Variants in CDKAL1 observed in about 807,000 individuals in gnomAD.
CDKAL1 encodes the protein CDKAL1 threonylcarbamoyladenosine tRNA methylthiotransferase, also known as threonylcarbamoyladenosine tRNA methylthiotransferase.
Under a neutral mutation model 68.2 loss-of-function variants are expected in CDKAL1, and 32 were observed. That is an observed-to-expected ratio of 0.47 (90% CI 0.35 to 0.63). The LOEUF is 0.63. CDKAL1 is among the 30% of genes least tolerant of loss of function. The pLI is 0.00. For missense variants in CDKAL1, 606 were observed against 696.7 expected (o/e 0.87, Z 1.47); for synonymous variants, 234 against 244.3 (o/e 0.96, Z 0.39).
chr6:20,969,055 G>T (rs1175913546), intron 10 of CDKAL1, among the ~76,000 whole-genome samples: 1 of 152,096 alleles, frequency 6.6e-6, no homozygotes, highest in African/African-American at 2.4e-5. Context: ...CTGGAAATCG[G>T]ATTCTTCTCA....
chr6:20,654,401 T>C (rs1049504051), intron 5 of CDKAL1, among the ~76,000 whole-genome samples: 2 of 152,110 alleles, frequency 1.3e-5, no homozygotes, highest in African/African-American at 4.8e-5. Context: ...CTTCTCCCAA[T>C]TGTGGCTTAT....
chr6:20,643,264 A>G (rs186033295), intron 4 of CDKAL1, among the ~76,000 whole-genome samples: 8 of 152,218 alleles, frequency 5.3e-5, no homozygotes, highest in Admixed American at 5.2e-4. Flanking sequence ...TTCTCCTTTT[A>G]AGGCACTGGA....
intron 12 of CDKAL1, among the ~76,000 whole-genome samples, chr6:21,106,655 T>A (rs1204033122): frequency 6.6e-6 from 1 of 152,222 alleles, no homozygotes; most frequent in African/African-American, 2.4e-5. Context: ...AGTATTTATA[T>A]TGTATTAGAT....
intron 13 of CDKAL1, among the ~76,000 whole-genome samples, chr6:21,124,190 C>T (rs1336624543): frequency 6.6e-6 from 1 of 152,190 alleles, no homozygotes; most frequent in Non-Finnish European, 1.5e-5. Context: ...AAATACTTAT[C>T]TAAACATAGG....
At chr6:20,546,941 C>A (rs1763631330) in intron 3 of CDKAL1, among the ~76,000 whole-genome samples, 1 of 152,068 alleles carries the variant, frequency 6.6e-6, no homozygotes, top group African/African-American at 2.4e-5. Context: ...AATCTTTGAA[C>A]TTTTGATAGG....
chr6:20,753,327 A>ATGGATC, intron 6 of CDKAL1, among the ~76,000 whole-genome samples: 1 of 114,976 alleles, frequency 8.7e-6, no homozygotes, highest in Admixed American at 9.8e-5. Context: ...ATGGATTAGT[A>ATGGATC]ATATGATCAG....
At chr6:21,208,761 C>T (rs996439675) in intron 15 of CDKAL1, among the ~76,000 whole-genome samples, 10 of 152,092 alleles carry the variant, frequency 6.6e-5, no homozygotes, top group African/African-American at 2.2e-4. Context: ...CTGGTTAGGA[C>T]GTATTTGAGT....
chr6:21,055,768 T>C (rs190109334), intron 11 of CDKAL1, among the ~76,000 whole-genome samples: 1 of 152,308 alleles, frequency 6.6e-6, no homozygotes, highest in Admixed American at 6.5e-5. Context: ...ATCCAGTCTA[T>C]CATTGATGGG....
chr6:20,915,451 C>G lies in CDKAL1; in HGVS notation c.743-39968C>G, dbSNP rs970068469. 3.9e-5 allele frequency among the ~76,000 whole-genome samples: 6 copies of G among 152,232 alleles called. No homozygotes were observed. The South Asian group carries it at 1.2e-3, about 32-fold the overall frequency. On this transcript the variant is annotated intron_variant, in intron 9 of 15. Coordinates refer to ENST00000274695, the MANE Select transcript of CDKAL1 (RefSeq NM_017774.3). ...GAGTTTGAAGGCAGAATTCCTTCCT[C>G]TTCTCTGAACTTTAGTCTTTTATCT...
At chr6:21,018,995 G>A (rs551332985) in intron 11 of CDKAL1, among the ~76,000 whole-genome samples, 1 of 152,108 alleles carries the variant, frequency 6.6e-6, no homozygotes, top group East Asian at 1.9e-4. Flanking sequence ...TGTCACCCAG[G>A]CTGGAATGTC....
chr6:20,939,105 G>C (rs1763857709), intron 9 of CDKAL1, among the ~76,000 whole-genome samples: 1 of 152,118 alleles, frequency 6.6e-6, no homozygotes, highest in Non-Finnish European at 1.5e-5. Context: ...ACAAGAGTTA[G>C]TTCAGTGAAC....
intron 4 of CDKAL1, among the ~76,000 whole-genome samples, chr6:20,647,020 C>T (rs1277236817): frequency 1.3e-5 from 2 of 152,228 alleles, no homozygotes; most frequent in South Asian, 2.1e-4. Flanking sequence ...GCCGGGATTA[C>T]AGGCGTGAGC....
At chr6:21,144,235 G>A (rs1562067945) in intron 13 of CDKAL1, among the ~76,000 whole-genome samples, 1 of 152,160 alleles carries the variant, frequency 6.6e-6, no homozygotes, top group Non-Finnish European at 1.5e-5. Flanking sequence ...TTTCTGATCT[G>A]TGAAAGTGGC....
intron 9 of CDKAL1, among the ~76,000 whole-genome samples, chr6:20,941,056 T>C (rs533621709): frequency 5.1e-4 from 77 of 150,140 alleles, no homozygotes; most frequent in African/African-American, 1.8e-3. Flanking sequence ...CACTGCACTC[T>C]AGCCTGGGCG....
chr6:20,670,129 T>C (rs1769741488), intron 5 of CDKAL1, among the ~76,000 whole-genome samples: 1 of 152,192 alleles, frequency 6.6e-6, no homozygotes, highest in Non-Finnish European at 1.5e-5. Context: ...TGTTCAATCC[T>C]ATTAATCATA....
intron 4 of CDKAL1, among the ~76,000 whole-genome samples, chr6:20,610,353 A>G (rs889118314): frequency 6.6e-6 from 1 of 152,208 alleles, no homozygotes; most frequent in Non-Finnish European, 1.5e-5. Flanking sequence ...AGGAATCGCC[A>G]TACAGTATTC....
chr6:20,564,194 G>A (rs1422891497), intron 4 of CDKAL1, among the ~76,000 whole-genome samples: 2 of 152,106 alleles, frequency 1.3e-5, no homozygotes, highest in South Asian at 4.1e-4. Flanking sequence ...ATTACCTGAG[G>A]CCAGGAATTT....
chr6:21,186,353 T>A (rs1778014536), intron 13 of CDKAL1, among the ~76,000 whole-genome samples: 1 of 152,224 alleles, frequency 6.6e-6, no homozygotes, highest in African/African-American at 2.4e-5. Context: ...AGATTTATCT[T>A]ACCAAAGGCA....
At chr6:20,672,246 CTTTCTTTCTTTCTTTCTT>C (rs1298174831) in intron 5 of CDKAL1, among the ~76,000 whole-genome samples, 1 of 108,936 alleles carries the variant, frequency 9.2e-6, no homozygotes, top group African/African-American at 5.8e-5. Context: ...CTCTTTCTTT[CTTTCTTTCTTTCTTTCTT>C]TTTCTTTTTC....
Sources: allele counts gnomAD v4.1 joint callset (sites outside exome capture counted in the v4.1 genomes callset), GRCh38; gene constraint gnomAD v4.1.1; transcripts MANE v1.5; gene names NCBI Gene and HGNC (gene_info 2026-07-23, HGNC 2026-07-21).